The following PTPRM variants were observed in gnomAD, a reference collection of about 807,000 sequenced individuals.
PTPRM encodes the protein protein tyrosine phosphatase receptor type M, also known as receptor-type tyrosine-protein phosphatase mu.
PTPRM carries 47 observed loss-of-function variants against 186.7 expected under a neutral mutation model. The ratio of observed to expected loss-of-function variants is 0.25; its 90% CI spans 0.20 to 0.32. PTPRM has a LOEUF of 0.32. PTPRM is among the 10% of genes least tolerant of loss of function. The pLI, the probability that PTPRM is intolerant of heterozygous loss-of-function variation, is 1.00. For synonymous variants in PTPRM, 668 were observed against 674.9 expected, an observed-to-expected ratio of 0.99 and a Z score of 0.16; for missense variants, 1,494 against 1,865.0, an observed-to-expected ratio of 0.80 and a Z score of 3.66.
intron 1 of PTPRM, among the ~76,000 whole-genome samples, chr18:7,659,125 C>T (rs2038921030): frequency 1.3e-5 from 2 of 149,644 alleles, no homozygotes; most frequent in Non-Finnish European, 3.0e-5. Flanking sequence ...TGTACACACA[C>T]ACACACACAC....
intron 32 of PTPRM, among the ~76,000 whole-genome samples, chr18:8,395,770 G>A (rs576708981): frequency 1.1e-4 from 17 of 152,244 alleles, no homozygotes; most frequent in African/African-American, 3.6e-4. Flanking sequence ...GGGAGCCCAT[G>A]GAAACCCAAA....
intron 1 of PTPRM, among the ~76,000 whole-genome samples, chr18:7,661,714 G>T (rs2038984938): frequency 6.6e-6 from 1 of 152,186 alleles, no homozygotes; most frequent in Non-Finnish European, 1.5e-5. Flanking sequence ...CATGCAAAAT[G>T]ATTTGCACTG....
intron 15 of PTPRM, among the ~76,000 whole-genome samples, chr18:8,244,424 A>G (rs2094459164): frequency 6.6e-6 from 1 of 152,142 alleles, no homozygotes; most frequent in Non-Finnish European, 1.5e-5. Flanking sequence ...CCAGAAAACC[A>G]CAGTGCAGTT....
chr18:8,164,283 AG>A (rs1257074110), intron 14 of PTPRM, among the ~76,000 whole-genome samples: 1 of 152,200 alleles, frequency 6.6e-6, no homozygotes, highest in Non-Finnish European at 1.5e-5. Flanking sequence ...TCAGTGAAAA[AG>A]GTTCTATGCT....
At chr18:8,350,830 C>T (rs768710794) in intron 23 of PTPRM, among the ~76,000 whole-genome samples, 4 of 152,184 alleles carry the variant, frequency 2.6e-5, no homozygotes, top group Non-Finnish European at 5.9e-5. Flanking sequence ...CACACACGCC[C>T]AGCACTGCAT....
chr18:8,388,099 A>G (rs1234520490), intron 31 of PTPRM, among the ~76,000 whole-genome samples: 1 of 152,200 alleles, frequency 6.6e-6, no homozygotes, highest in African/African-American at 2.4e-5. Context: ...GGAGAATGCC[A>G]TGTTTCTCAA....
intron 1 of PTPRM, among the ~76,000 whole-genome samples, chr18:7,714,031 A>C (rs1220283506): frequency 6.6e-6 from 1 of 152,224 alleles, no homozygotes. Flanking sequence ...CCTAATAGAC[A>C]TCTACAGAAC....
chr18:7,989,203 T>C lies in PTPRM; in HGVS notation c.1132+33789T>C, dbSNP rs2083130449. ...GTTGATGGGTGTGGCTAATTTTTTT[T>C]TTTTAATTTCCTAGTTACAGGCAAA... On this transcript the variant is annotated intron_variant, in intron 7 of 32. Transcript: ENST00000580170. 2.6e-5 allele frequency among the ~76,000 whole-genome samples: 4 copies of C among 152,094 alleles called. No homozygotes were observed. In the South Asian group the frequency reaches 8.3e-4, roughly 32 times the overall value.
At chr18:7,986,432 C>T (rs1350645559) in intron 7 of PTPRM, among the ~76,000 whole-genome samples, 1 of 152,206 alleles carries the variant, frequency 6.6e-6, no homozygotes, top group Non-Finnish European at 1.5e-5. Flanking sequence ...TGATTGCCAG[C>T]TGTTGCCTGG....
chr18:7,777,089 A>G (rs1380794618), intron 2 of PTPRM, among the ~76,000 whole-genome samples: 3 of 152,226 alleles, frequency 2.0e-5, no homozygotes, highest in African/African-American at 7.2e-5. Flanking sequence ...TGAATTTCTC[A>G]GGGCAAATGG....
intron 11 of PTPRM, among the ~76,000 whole-genome samples, chr18:8,110,068 T>G (rs1216742573): frequency 6.6e-6 from 1 of 152,198 alleles, no homozygotes; most frequent in Non-Finnish European, 1.5e-5. Flanking sequence ...GCTTCCTCCC[T>G]CCTGGTACAT....
intron 1 of PTPRM, among the ~76,000 whole-genome samples, chr18:7,659,091 T>C (rs929159002): frequency 6.6e-6 from 1 of 150,522 alleles, no homozygotes; most frequent in Non-Finnish European, 1.5e-5. Flanking sequence ...TATTTAAAAT[T>C]GCAGGTATAC....
chr18:8,273,612 A>G (rs1206393040), intron 19 of PTPRM, among the ~76,000 whole-genome samples: 5 of 152,142 alleles, frequency 3.3e-5, no homozygotes, highest in Admixed American at 1.3e-4. Flanking sequence ...AGCTTTGTCT[A>G]AAAGCTCTAA....
intron 22 of PTPRM, among the ~76,000 whole-genome samples, chr18:8,342,118 G>T (rs2095478468): frequency 6.6e-6 from 1 of 152,204 alleles, no homozygotes; most frequent in Non-Finnish European, 1.5e-5. Flanking sequence ...TGGACAGGGA[G>T]GAAGGAGAAG....
At chr18:7,818,727 G>T (rs561826243) in intron 2 of PTPRM, among the ~76,000 whole-genome samples, 5 of 152,194 alleles carry the variant, frequency 3.3e-5, no homozygotes, top group Non-Finnish European at 5.9e-5. Flanking sequence ...CTCTCTGCAG[G>T]TGTGAAATGC....
In PTPRM at chr18:7,567,323, C is replaced by G. The variant is rs1293062283; in HGVS notation, c.-496C>G. ...GGCCTGCGGGGCACCGCCAGTCAGT[C>G]GGGGAGCAAGAGCCCCGCGCGCAGC... is the stretch of plus-strand genomic sequence containing the variant. On this transcript the variant is annotated 5_prime_UTR_variant, in exon 1 of 33. Coordinates refer to ENST00000580170, the MANE Select transcript of PTPRM (RefSeq NM_001105244.2). This position sits in a 1 kb window ranked among gnomAD's most constrained non-coding sequence, Gnocchi z 4.3. 6.7e-6 allele frequency: 1 copy of G among 148,322 alleles called. No individual in the cohort carries two copies. The highest frequency in any genetic ancestry group is 1.5e-5 in the Non-Finnish European group (1 of 66,576). 9.2% of individuals were successfully genotyped at this position (148,322 alleles called of 1,614,324 possible). A position where few individuals can be genotyped will look rare whatever the true frequency, so the allele number is the denominator to read the frequency against.
intron 13 of PTPRM, among the ~76,000 whole-genome samples, chr18:8,133,277 G>A (rs1263398418): frequency 1.3e-5 from 2 of 152,162 alleles, no homozygotes; most frequent in African/African-American, 2.4e-5. Context: ...ACTCTCATCT[G>A]TCATCACCAT....
chr18:8,308,986 A>G (rs1202049309), intron 20 of PTPRM, among the ~76,000 whole-genome samples: 2 of 152,150 alleles, frequency 1.3e-5, no homozygotes, highest in South Asian at 2.1e-4. Context: ...TTGTTGTTCA[A>G]CTATGTTTGT....
intron 14 of PTPRM, among the ~76,000 whole-genome samples, chr18:8,230,162 G>A (rs1295657912): frequency 6.6e-6 from 1 of 152,108 alleles, no homozygotes; most frequent in Non-Finnish European, 1.5e-5. Context: ...GTAAAGAGGT[G>A]AACTCTACAA....
Sources: gnomAD v4.1 joint callset for allele counts (sites outside exome capture counted in the v4.1 genomes callset) on GRCh38, gnomAD v4.1.1 for gene constraint, Gnocchi (gnomAD v3.1) non-coding constraint, MANE v1.5 for transcripts, NCBI Gene and HGNC (gene_info 2026-07-23, HGNC 2026-07-21) for gene names.